Variants in EIF3H observed in about 807,000 individuals in gnomAD.
EIF3H encodes the protein eIF-3-gamma.
A neutral mutation model predicts 44.2 loss-of-function variants in EIF3H; 26 were observed. The observed-to-expected ratio is 0.59, with a 90% CI of 0.43 to 0.82. EIF3H has a LOEUF of 0.82. EIF3H is among the 40% of genes least tolerant of loss of function. EIF3H has a pLI of 0.00. For synonymous variants in EIF3H, 166 were observed against 151.9 expected (o/e 1.09, Z -0.68); for missense variants, 359 against 432.8 (o/e 0.83, Z 1.51).
chr8:116,759,709 ATGTGTG>A (rs953288501), upstream of EIF3H, among the ~76,000 whole-genome samples: 1 of 151,756 alleles, frequency 6.6e-6, no homozygotes, highest in Non-Finnish European at 1.5e-5. Context: ...GTGTTTGTGT[ATGTGTG>A]TGTGTGCGTG....
At chr8:116,761,155 C>T (rs1351661687) in intron 1 of EIF3H, among the ~76,000 whole-genome samples, 1 of 152,166 alleles carries the variant, frequency 6.6e-6, no homozygotes, top group African/African-American at 2.4e-5. Context: ...TTTATTTTCA[C>T]CATTTAAATT....
chr8:116,749,413 T>C (rs1169329552), intron 1 of EIF3H, among the ~76,000 whole-genome samples: 1 of 152,218 alleles, frequency 6.6e-6, no homozygotes, highest in Non-Finnish European at 1.5e-5. Context: ...GATACGTATG[T>C]CTGCATTTCT....
chr8:116,737,276 G>A (rs994582246), intron 1 of EIF3H: 1 of 445,320 alleles, frequency 2.2e-6, no homozygotes, highest in South Asian at 1.6e-5. Flanking sequence ...CTACGTACTT[G>A]AAGGCATTTC....
chr8:116,730,642 C>T (rs1307806005), intron 1 of EIF3H, among the ~76,000 whole-genome samples: 2 of 152,176 alleles, frequency 1.3e-5, no homozygotes, highest in Non-Finnish European at 2.9e-5. Context: ...TTCATAGATT[C>T]GAAGTATCTT....
chr8:116,683,539 C>T (rs1244106356), intron 2 of EIF3H, among the ~76,000 whole-genome samples: 4 of 152,134 alleles, frequency 2.6e-5, no homozygotes, highest in African/African-American at 7.2e-5. Context: ...AGAAATTTGA[C>T]GTAAGAATTT....
At chr8:116,708,862 G>C (rs1054366304) in intron 2 of EIF3H, among the ~76,000 whole-genome samples, 5 of 151,950 alleles carry the variant, frequency 3.3e-5, no homozygotes, top group Admixed American at 2.6e-4. Context: ...AAGGTCAGAT[G>C]AACTTAATAT....
intron 2 of EIF3H, among the ~76,000 whole-genome samples, chr8:116,693,481 T>C (rs939551313): frequency 1.3e-5 from 2 of 152,134 alleles, no homozygotes; most frequent in African/African-American, 2.4e-5. Flanking sequence ...CTGGGTGGCA[T>C]GCTAAGCTAA....
At position 116,752,712 on chromosome 8, in the gene EIF3H, GAA is replaced by G. The variant is rs1307740522; in HGVS notation, c.132+2952_132+2953del. Among the ~76,000 whole-genome samples the G allele has an allele frequency of 2.3e-3, 299 of 128,280 alleles. 6 individuals are homozygous for G. The highest frequency in any genetic ancestry group is 0.011 in the Admixed American group (138 of 12,038). 84.2% of individuals were successfully genotyped at this position (128,280 alleles called of 152,430 possible). On this transcript the variant is annotated intron_variant, in intron 1 of 7. Transcript: ENST00000521861. ...AGAAAGAAAGAAAGAAAGAAAGAAA[GAA>G]AGAAAGAAAGAAAGAAAGAAGAGAA...
upstream of EIF3H, among the ~76,000 whole-genome samples, chr8:116,760,384 T>C (rs917250095): frequency 2.0e-5 from 3 of 152,234 alleles, no homozygotes; most frequent in African/African-American, 7.2e-5. Context: ...AGGTTATACT[T>C]TGAAGAGCTA....
At chr8:116,660,379 AAG>A (rs1813565968) in intron 2 of EIF3H, among the ~76,000 whole-genome samples, 2 of 152,330 alleles carry the variant, frequency 1.3e-5, no homozygotes, top group African/African-American at 4.8e-5. Flanking sequence ...TAAAGTATAA[AAG>A]AGTGTTCCTC....
At chr8:116,674,740 T>C (rs1232091163) in intron 2 of EIF3H, among the ~76,000 whole-genome samples, 1 of 152,176 alleles carries the variant, frequency 6.6e-6, no homozygotes, top group South Asian at 2.1e-4. Flanking sequence ...ATAATTACTA[T>C]ACTTTCTCTC....
chr8:116,657,288 G>A lies in EIF3H; in HGVS notation c.484C>T (p.Leu162Phe). Residue 162 changes from leucine (L) to phenylalanine (F), a missense_variant, in exon 4 of 8, where the codon CTC becomes TTC. Leu to Phe is a conservative substitution (Grantham distance 22). Around this residue, in one of 5 missense-constraint regions of EIF3H, gnomAD observed 85 missense variants for 79.2 expected, o/e 1.07. Coordinates refer to ENST00000521861, the MANE Select transcript of EIF3H (RefSeq NM_003756.3). The part of the protein sequence containing the change: ...YDPIKTAQGS[L>F]SLKAYRLTPK... ...GTCAGTCTGTATGCCTTTAGTGAGA[G>A]AGATCCTTGGGCAGTTTTTATGGGA... 5.6e-6 allele frequency: 9 copies of A among 1,613,646 alleles called. No individual in the cohort carries two copies. Among genetic ancestry groups the A allele is most frequent in the Non-Finnish European group, 7.6e-6 (9 of 1,179,648 alleles).
intron 2 of EIF3H, among the ~76,000 whole-genome samples, chr8:116,667,202 C>T (rs572048635): frequency 6.6e-6 from 1 of 152,152 alleles, no homozygotes; most frequent in Non-Finnish European, 1.5e-5. Flanking sequence ...AAAACATGGT[C>T]ATTCATATCC....
At chr8:116,731,686 C>T (rs866476991) in intron 1 of EIF3H, among the ~76,000 whole-genome samples, 1 of 152,176 alleles carries the variant, frequency 6.6e-6, no homozygotes, top group Non-Finnish European at 1.5e-5. Context: ...GTAATACCAG[C>T]AACCCATCTT....
intron 1 of EIF3H, among the ~76,000 whole-genome samples, chr8:116,752,214 T>G (rs561000126): frequency 3.3e-5 from 5 of 152,190 alleles, no homozygotes; most frequent in African/African-American, 1.2e-4. Flanking sequence ...TGAGAAAATG[T>G]ACCTTTGGAG....
intron 1 of EIF3H, among the ~76,000 whole-genome samples, chr8:116,754,887 G>A (rs1179755114): frequency 2.6e-5 from 4 of 152,270 alleles, no homozygotes; most frequent in African/African-American, 9.6e-5. Flanking sequence ...TCTAAGATCT[G>A]CATTAATAGG....
chr8:116,681,945 A>G (rs1477280243), intron 2 of EIF3H, among the ~76,000 whole-genome samples: 1 of 152,214 alleles, frequency 6.6e-6, no homozygotes, highest in East Asian at 1.9e-4. Context: ...GGAGAGAAAA[A>G]GCAAATGAGA....
chr8:116,696,874 C>CA (rs1352091241), intron 2 of EIF3H, among the ~76,000 whole-genome samples: 1 of 152,058 alleles, frequency 6.6e-6, no homozygotes, highest in Non-Finnish European at 1.5e-5. Flanking sequence ...CCTGCACACA[C>CA]AAAAAAGTCA....
intron 2 of EIF3H, 138 bp downstream of exon 2, chr8:116,725,878 C>T: frequency 1.0e-6 from 1 of 999,206 alleles, no homozygotes; most frequent in South Asian, 2.1e-5. Context: ...ATATAATTTT[C>T]CCAAAGTATC....
Sources: gnomAD v4.1 joint callset for allele counts (sites outside exome capture counted in the v4.1 genomes callset) on GRCh38, gnomAD v4.1.1 for gene constraint, gnomAD v4.1.1 regional missense constraint, MANE v1.5 for transcripts, NCBI Gene and HGNC (gene_info 2026-07-23, HGNC 2026-07-21) for gene names.